Variants in RUNDC3B observed in about 807,000 individuals in gnomAD.
RUNDC3B encodes the protein RUN domain-containing protein 3B.
RUNDC3B carries 33 observed loss-of-function variants against 58.4 expected under a neutral mutation model. That is an observed-to-expected ratio of 0.56 (90% CI 0.43 to 0.75). The LOEUF is 0.75. Among genes scored for constraint, RUNDC3B ranks in the 30% least tolerant of loss-of-function variants. RUNDC3B has a pLI of 0.00. For missense variants in RUNDC3B, 501 were observed against 535.7 expected (o/e 0.94, Z 0.64); for synonymous variants, 193 against 195.2 (o/e 0.99, Z 0.10).
intron 8 of RUNDC3B, among the ~76,000 whole-genome samples, chr7:87,778,648 TAA>T (rs1834777337): frequency 6.6e-6 from 1 of 152,188 alleles, no homozygotes; most frequent in Non-Finnish European, 1.5e-5. Context: ...GCTGGTATAT[TAA>T]CTGTTACTAG....
chr7:87,662,085 TTTTAAG>T (rs1468854022), intron 2 of RUNDC3B, among the ~76,000 whole-genome samples: 7 of 152,220 alleles, frequency 4.6e-5, no homozygotes, highest in African/African-American at 1.4e-4. Context: ...CTTTTGCCCA[TTTTAAG>T]TTTAATTATT....
At chr7:87,751,527 C>G (rs1301861699) in intron 6 of RUNDC3B, among the ~76,000 whole-genome samples, 6 of 152,142 alleles carry the variant, frequency 3.9e-5, no homozygotes, top group Non-Finnish European at 8.8e-5. Context: ...GAATGTTCTT[C>G]CATTTGCTTG....
chr7:87,773,544 A>G (rs1033191551), intron 7 of RUNDC3B, among the ~76,000 whole-genome samples: 3 of 152,210 alleles, frequency 2.0e-5, no homozygotes, highest in African/African-American at 7.2e-5. Context: ...CAATTAATAA[A>G]CCTGATCTAA....
intron 6 of RUNDC3B, among the ~76,000 whole-genome samples, chr7:87,744,103 T>TC (rs1360186446): frequency 1.3e-5 from 2 of 152,220 alleles, no homozygotes; most frequent in Non-Finnish European, 1.5e-5. Context: ...GTTTGCTTTG[T>TC]CGTAGATCAG....
chr7:87,695,094 A>G (rs752062410), intron 2 of RUNDC3B, among the ~76,000 whole-genome samples: 3 of 152,150 alleles, frequency 2.0e-5, no homozygotes, highest in Non-Finnish European at 4.4e-5. Context: ...CAATGTAAGT[A>G]CAATTGAGTA....
chr7:87,821,466 C>T (rs1837428517), intron 10 of RUNDC3B, among the ~76,000 whole-genome samples: 1 of 152,102 alleles, frequency 6.6e-6, no homozygotes, highest in Admixed American at 6.5e-5. Context: ...CCATACTGCC[C>T]AAGGTAATTT....
chr7:87,716,152 C>G (rs1020300413), intron 4 of RUNDC3B, among the ~76,000 whole-genome samples: 10 of 152,174 alleles, frequency 6.6e-5, no homozygotes. Context: ...TGCCTACCAT[C>G]ATTAAAATTG....
chr7:87,654,271 C>T (rs1347751060), intron 2 of RUNDC3B, among the ~76,000 whole-genome samples: 2 of 151,840 alleles, frequency 1.3e-5, no homozygotes, highest in African/African-American at 2.4e-5. Flanking sequence ...AGACCCTGAC[C>T]AAAGCAATCT....
chr7:87,769,641 T>C (rs983163370), intron 6 of RUNDC3B, among the ~76,000 whole-genome samples: 6 of 151,764 alleles, frequency 4.0e-5, no homozygotes, highest in Non-Finnish European at 8.8e-5. Context: ...TTTTTCTTCT[T>C]TTTTTTTATT....
chr7:87,814,661 G>T (rs10230721), intron 9 of RUNDC3B, among the ~76,000 whole-genome samples: 92 of 152,178 alleles, frequency 6.0e-4, no homozygotes, highest in African/African-American at 2.2e-3. Context: ...ATAAATGTTA[G>T]ATATCATTTT....
At chr7:87,635,216 G>A (rs774156594) in intron 1 of RUNDC3B, among the ~76,000 whole-genome samples, 1 of 152,136 alleles carries the variant, frequency 6.6e-6, no homozygotes, top group Non-Finnish European at 1.5e-5. Flanking sequence ...AATTGGGTAT[G>A]TAGACTGCAT....
At position 87,628,916 on chromosome 7, in the gene RUNDC3B, G is replaced by T. The variant is rs746857639; in HGVS notation, c.93G>T (p.Val31=). 1 of 1,309,682 alleles carries T rather than the reference G, an allele frequency of 7.6e-7. No homozygotes were observed. The highest frequency in any genetic ancestry group is 9.8e-7 in the Non-Finnish European group (1 of 1,020,786). 81.1% of individuals were successfully genotyped at this position (1,309,682 alleles called of 1,614,324 possible). Residue 31 remains valine (V), a synonymous_variant, in exon 1 of 11, where the codon GTG becomes GTT. Coordinates refer to ENST00000394654, the MANE Select transcript of RUNDC3B (RefSeq NM_001134405.2). ...GCCTGAGCGCCCGCAATGCTGCGGT[G>T]GAGAGGAGGAACCTGATCACCGTGT... is the stretch of plus-strand genomic sequence containing the variant. ...KKSLSARNAA[V]ERRNLITVCR... is the part of the protein sequence containing the mutation.
chr7:87,739,834 A>G lies in RUNDC3B; in HGVS notation c.502A>G (p.Asn168Asp), dbSNP rs758600449. The G allele has an allele frequency of 2.5e-6, 4 of 1,600,210 alleles. No homozygotes were observed. Among genetic ancestry groups the G allele is most frequent in the Admixed American group, 3.3e-5 (2 of 59,846 alleles). The change falls in exon 5 of 11, where the codon AAT becomes GAT. Residue 168 changes from asparagine (N) to aspartate (D), a missense_variant. Asn to Asp is a conservative substitution (Grantham distance 23). Coordinates refer to ENST00000394654, the MANE Select transcript of RUNDC3B (RefSeq NM_001134405.2). ...AGCAATTGTCTTGGGTGAAGAAGCA[A>G]ATATGCTTGCTGGCATGCTTCTAGG... ...DGAIVLGEEA[N>D]MLAGMLLGLN...
At chr7:87,668,078 A>G (rs1463957745) in intron 2 of RUNDC3B, among the ~76,000 whole-genome samples, 1 of 148,818 alleles carries the variant, frequency 6.7e-6, no homozygotes, top group Non-Finnish European at 1.5e-5. Context: ...TCTCATTTGT[A>G]TGTCTGGTAG....
intron 8 of RUNDC3B, among the ~76,000 whole-genome samples, chr7:87,794,097 A>G (rs1032165337): frequency 5.9e-5 from 9 of 152,208 alleles, no homozygotes; most frequent in African/African-American, 1.9e-4. Flanking sequence ...GCCATAAATT[A>G]AATACCTAGG....
At chr7:87,695,095 C>T (rs1828386860) in intron 2 of RUNDC3B, among the ~76,000 whole-genome samples, 1 of 152,152 alleles carries the variant, frequency 6.6e-6, no homozygotes, top group Non-Finnish European at 1.5e-5. Flanking sequence ...AATGTAAGTA[C>T]AATTGAGTAT....
At chr7:87,655,305 A>G (rs1585015665) in intron 2 of RUNDC3B, among the ~76,000 whole-genome samples, 1 of 152,142 alleles carries the variant, frequency 6.6e-6, no homozygotes, top group African/African-American at 2.4e-5. Context: ...ACTAGCTAAG[A>G]TAAGGACTCA....
intron 2 of RUNDC3B, among the ~76,000 whole-genome samples, chr7:87,681,139 A>G (rs1204003765): frequency 6.6e-6 from 1 of 150,648 alleles, no homozygotes; most frequent in Admixed American, 6.6e-5. Flanking sequence ...ACTCATAAAG[A>G]AGTAGATAAC....
intron 6 of RUNDC3B, among the ~76,000 whole-genome samples, chr7:87,763,375 A>T (rs1270454892): frequency 1.3e-5 from 2 of 151,628 alleles, no homozygotes; most frequent in Non-Finnish European, 3.0e-5. Flanking sequence ...CCTTCTTGCA[A>T]AACAACCTTC....
Sources: allele counts gnomAD v4.1 joint callset (sites outside exome capture counted in the v4.1 genomes callset), GRCh38; gene constraint gnomAD v4.1.1; transcripts MANE v1.5; gene names NCBI Gene and HGNC (gene_info 2026-07-23, HGNC 2026-07-21).